The following SDK2 variants were observed in gnomAD, a reference collection of about 807,000 sequenced individuals.
SDK2 encodes the protein sidekick cell adhesion molecule 2, also known as protein sidekick-2.
In SDK2, 105 loss-of-function variants were observed where a neutral mutation model predicts 253.9. The observed-to-expected ratio is 0.41, with a 90% CI of 0.35 to 0.49. The LOEUF is 0.49. Ranked by LOEUF, SDK2 falls within the 20% of genes least tolerant of loss-of-function variation. The pLI is 0.06. For synonymous variants in SDK2, 1,249 were observed against 1,234.9 expected (o/e 1.01, Z -0.24); for missense variants, 2,608 against 3,003.0 (o/e 0.87, Z 3.07).
intron 1 of SDK2, among the ~76,000 whole-genome samples, chr17:73,596,414 C>A (rs1430864286): frequency 2.0e-5 from 3 of 152,148 alleles, no homozygotes; most frequent in Admixed American, 2.0e-4. Context: ...TCAACCTCTG[C>A]GACCCTCAGT....
rs1386339175 is a variant in SDK2 at position 73,467,673 on chromosome 17, C to T, written c.331+4439G>A. On this transcript the variant is annotated intron_variant, in intron 3 of 44. Transcript: ENST00000392650. The surrounding 1 kb of genome is among the most constrained non-coding windows in gnomAD (Gnocchi z 4.1). The stretch of plus-strand genomic sequence containing the variant: ...TATGCTTCTCTCCTTCCCATCCTGG[C>T]TGGGTGAAACCTTCCTTAGCTTGTC... 6.6e-5 allele frequency among the ~76,000 whole-genome samples: 10 copies of T among 152,294 alleles called. No homozygotes were observed. In the East Asian group the frequency reaches 1.9e-3, roughly 29 times the overall value.
At chr17:73,530,795 A>T in intron 1 of SDK2, among the ~76,000 whole-genome samples, 1 of 152,206 alleles carries the variant, frequency 6.6e-6, no homozygotes, top group South Asian at 2.1e-4. Flanking sequence ...CATTTTGAGC[A>T]TCTATTAGTG....
intron 2 of SDK2, among the ~76,000 whole-genome samples, chr17:73,477,136 G>T (rs1221454579): frequency 6.6e-6 from 1 of 152,210 alleles, no homozygotes; most frequent in Admixed American, 6.5e-5. Flanking sequence ...CAGCTTCTCG[G>T]TTTGTGAGTC....
At chr17:73,527,862 G>T (rs960712534) in intron 1 of SDK2, among the ~76,000 whole-genome samples, 1 of 152,200 alleles carries the variant, frequency 6.6e-6, no homozygotes. Context: ...AAATGATGCT[G>T]AGGGGAGAGG....
intron 18 of SDK2, among the ~76,000 whole-genome samples, chr17:73,405,296 C>T (rs1214714750): frequency 1.6e-5 from 2 of 127,136 alleles, no homozygotes; most frequent in Non-Finnish European, 3.3e-5. Context: ...AAAAATTAGC[C>T]GCACATGGTG....
chr17:73,401,981 C>A lies in SDK2; in HGVS notation c.2645G>T (p.Arg882Leu), dbSNP rs757650185. The A allele has an allele frequency of 6.2e-7, 1 of 1,612,880 alleles. No individual in the cohort carries two copies. The highest frequency in any genetic ancestry group is 8.5e-7 in the Non-Finnish European group (1 of 1,179,526). Residue 882 changes from arginine to leucine, a missense_variant, in exon 19 of 45, where the codon CGC (arginine) becomes CTC (leucine). Around this residue, in one of 2 missense-constraint regions of SDK2, gnomAD observed 1,505 missense variants for 1,859.1 expected, o/e 0.81. Coordinates refer to ENST00000392650, the MANE Select transcript of SDK2 (RefSeq NM_001144952.2). ...LCFTTPGDGP[R>L]STPQLVRTHE... ...GGTGCGCACCAGCTGCGGGGTGCTG[C>A]GTGGCCCGTCCCCGGGGGTGGTGAA...
rs1001349517 is a variant in SDK2, at chr17:73,553,247, C to T, written c.65-45650G>A. ...TGGGGCAGGACAGGCCACGGGGGGC[C>T]AGTGGTGGGAGCCCAAGGCTGCCTC... On this transcript the variant is annotated intron_variant, in intron 1 of 44. Transcript: ENST00000392650. Among the ~76,000 whole-genome samples, 59 of 152,032 alleles carry T rather than the reference C, an allele frequency of 3.9e-4. 1 individual carries two copies. The highest frequency in any genetic ancestry group is 3.6e-3 in the Admixed American group (55 of 15,276).
chr17:73,483,683 TTATATATATATATATATATATATA>T lies in SDK2; in HGVS notation c.225-11489_225-11466del, dbSNP rs1371637082. On this transcript the variant is annotated intron_variant, in intron 2 of 44. Transcript: ENST00000392650. ...TGTGTATATATATATATATATATAT[TTATATATATATATATATATATATA>T]TTTTTTTTTTTTTTTAGTAGAGTTG... Among the ~76,000 whole-genome samples the T allele has an allele frequency of 5.7e-3, 238 of 41,546 alleles. 11 individuals carry two copies. Among genetic ancestry groups the T allele is most frequent in the Admixed American group, 0.012 (36 of 2,900 alleles). 27.3% of individuals were successfully genotyped at this position (41,546 alleles called of 152,430 possible).
rs1352551384 is a variant in SDK2 at position 73,383,452 on chromosome 17, G to A, written c.4705+424C>T. 6.6e-6 allele frequency among the ~76,000 whole-genome samples: 1 copy of A among 152,220 alleles called. No homozygotes were observed. The highest frequency in any genetic ancestry group is 1.5e-5 in the Non-Finnish European group (1 of 68,040). On this transcript the variant is annotated intron_variant, in intron 33 of 44. Coordinates refer to ENST00000392650, the MANE Select transcript of SDK2 (RefSeq NM_001144952.2). The surrounding 1 kb of genome is among the most constrained non-coding windows in gnomAD (Gnocchi z 4.3). ...TGAGGCTTCTGGTCCCTCAAGGGCAGGGTGCTCCTTCTCATGCACCGGGCT... is the reference window on the plus strand; with the variant it reads ...TGAGGCTTCTGGTCCCTCAAGGGCAAGGTGCTCCTTCTCATGCACCGGGCT...
chr17:73,438,337 C>T (rs1418977932), intron 6 of SDK2, among the ~76,000 whole-genome samples, 183 bp from the exon 7 acceptor site: 1 of 152,190 alleles, frequency 6.6e-6, no homozygotes, highest in African/African-American at 2.4e-5. Flanking sequence ...TCTCACTTTC[C>T]TCTTCTATAA....
At chr17:73,606,373 C>T (rs1182042181) in intron 1 of SDK2, among the ~76,000 whole-genome samples, 1 of 151,990 alleles carries the variant, frequency 6.6e-6, no homozygotes, top group African/African-American at 2.4e-5. Context: ...TGAGCCCCTC[C>T]TCTGAGGGGG....
chr17:73,393,815 G>T, intron 26 of SDK2, 66 bp from the exon 27 acceptor site: 1 of 1,316,522 alleles, frequency 7.6e-7, no homozygotes, highest in Non-Finnish European at 1.0e-6. Context: ...CTTTTCCCGA[G>T]TCTCATCCCC....
chr17:73,356,518 C>G (rs889053242), intron 40 of SDK2, among the ~76,000 whole-genome samples: 2 of 152,116 alleles, frequency 1.3e-5, no homozygotes, highest in Non-Finnish European at 2.9e-5. Flanking sequence ...CTGCCTAGCA[C>G]GAAGCACAAG....
rs188249803 is a variant in SDK2 at position 73,449,212 on chromosome 17, C to T, written c.480-1464G>A. On this transcript the variant is annotated intron_variant, in intron 4 of 44. Coordinates refer to ENST00000392650, the MANE Select transcript of SDK2 (RefSeq NM_001144952.2). ...ATGGAGCCAGAAGCGCCACCCACAC[C>T]GGCTCTTCCTCCCTCCACCCATTCT... 5.3e-5 allele frequency among the ~76,000 whole-genome samples: 8 copies of T among 152,290 alleles called. No individual in the cohort carries two copies. The East Asian group carries it at 7.7e-4, about 15-fold the overall frequency.
At chr17:73,478,830 C>T (rs576107555) in intron 2 of SDK2, among the ~76,000 whole-genome samples, 2 of 152,228 alleles carry the variant, frequency 1.3e-5, no homozygotes, top group Non-Finnish European at 2.9e-5. Flanking sequence ...ATAATAGGCA[C>T]ACTCTCCTTG....
chr17:73,393,518 C>A, intron 27 of SDK2, 42 bp downstream of exon 27: 1 of 1,469,524 alleles, frequency 6.8e-7, no homozygotes. Context: ...GGAAGGGCGG[C>A]TCCTCCCAGC....
chr17:73,401,113 C>T lies in SDK2; in HGVS notation c.2878G>A (p.Ala960Thr), dbSNP rs746767238. 30 of 1,564,002 alleles carry T rather than the reference C, an allele frequency of 1.9e-5. 1 individual carries two copies. The Admixed American group carries it at 2.9e-4, about 15-fold the overall frequency. ...TLEYRVTGLT[A>T]LTTYTIEVAA... The stretch of plus-strand genomic sequence containing the variant: ...ACCTCGATGGTGTAGGTGGTGAGCG[C>T]GGTGAGGCCCGTGACACGGTACTCC... Residue 960 changes from alanine to threonine, a missense_variant, in exon 21 of 45, where the codon GCG becomes ACG. By Grantham distance (58) the Ala-to-Thr change is moderately conservative. This residue lies in a region of SDK2 where 1,505 missense variants were observed against 1,859.1 expected (regional missense o/e 0.81). Coordinates refer to ENST00000392650, the MANE Select transcript of SDK2 (RefSeq NM_001144952.2).
chr17:73,394,819 T>C (rs1380591322), intron 25 of SDK2, among the ~76,000 whole-genome samples: 1 of 152,132 alleles, frequency 6.6e-6, no homozygotes, highest in African/African-American at 2.4e-5. Flanking sequence ...CCTCGACCCC[T>C]CCACTGTGGT....
rs560147882 is a variant in SDK2, at chr17:73,395,742, T to G, written c.3355-350A>C. Among the ~76,000 whole-genome samples the G allele has an allele frequency of 1.3e-5, 2 of 152,296 alleles. No individual in the cohort carries two copies. Among genetic ancestry groups the G allele is most frequent in the Non-Finnish European group, 2.9e-5 (2 of 68,030 alleles). ...GGCTCTGCTGTCTCTGCTGCTTACC[T>G]CTGTCACTCAGGCTGCCAGCACACA... is the stretch of plus-strand genomic sequence containing the variant. On this transcript the variant is annotated intron_variant, in intron 24 of 44. Coordinates refer to ENST00000392650, the MANE Select transcript of SDK2 (RefSeq NM_001144952.2). This position sits in a 1 kb window ranked among gnomAD's most constrained non-coding sequence, Gnocchi z 4.3.
Sources: gnomAD v4.1 joint callset for allele counts (sites outside exome capture counted in the v4.1 genomes callset) on GRCh38, gnomAD v4.1.1 for gene constraint, gnomAD v4.1.1 regional missense constraint, Gnocchi (gnomAD v3.1) non-coding constraint, MANE v1.5 for transcripts, NCBI Gene and HGNC (gene_info 2026-07-23, HGNC 2026-07-21) for gene names.